The following RBFOX1 variants were observed in gnomAD, a reference collection of about 807,000 sequenced individuals.
The protein encoded by RBFOX1 is RNA binding fox-1 homolog 1.
A neutral mutation model predicts 57.7 loss-of-function variants in RBFOX1; 8 were observed. That is an observed-to-expected ratio of 0.14 (90% CI 0.08 to 0.25). RBFOX1 has a LOEUF of 0.25. RBFOX1 is among the 10% of genes least tolerant of loss of function. RBFOX1 has a pLI of 1.00. For missense variants in RBFOX1, 611 were observed against 548.5 expected (o/e 1.11, Z -1.14); for synonymous variants, 326 against 222.4 (o/e 1.47, Z -4.15).
At chr16:5,543,627 A>G (rs757573528) in intron 2 of RBFOX1, among the ~76,000 whole-genome samples, 1 of 152,218 alleles carries the variant, frequency 6.6e-6, no homozygotes, top group Non-Finnish European at 1.5e-5. Context: ...ATATTTACAG[A>G]TAGTGGCTTA....
At chr16:6,715,391 C>T (rs530380399) in intron 3 of RBFOX1, among the ~76,000 whole-genome samples, 15 of 152,022 alleles carry the variant, frequency 9.9e-5, no homozygotes, top group Non-Finnish European at 5.9e-5. Context: ...CTTTATCTTG[C>T]TGCATTATAA....
intron 4 of RBFOX1, among the ~76,000 whole-genome samples, chr16:7,270,052 G>A (rs1264077257): frequency 6.6e-6 from 1 of 152,150 alleles, no homozygotes; most frequent in Admixed American, 6.5e-5. Context: ...AACACAATGT[G>A]AAATACTGTG....
intron 3 of RBFOX1, among the ~76,000 whole-genome samples, chr16:5,609,163 G>A (rs529352641): frequency 2.1e-4 from 32 of 152,276 alleles, no homozygotes; most frequent in Admixed American, 1.6e-3. Context: ...GCTGTGTATC[G>A]AAATGGGCCG....
Position 6,593,905 on chromosome 16 carries a change from G to T in RBFOX1, c.-63-60698G>T, listed in dbSNP as rs184446164. On this transcript the variant is annotated intron_variant, in intron 2 of 15. Transcript: ENST00000550418. The stretch of plus-strand genomic sequence containing the variant: ...TAAAGTGCTTGTCTCTCATTGCCTA[G>T]CGATTTACTGGCATTGTAGACTCCA... Among the ~76,000 whole-genome samples, 20 of 152,296 alleles carry T rather than the reference G, an allele frequency of 1.3e-4. No individual in the cohort carries two copies. The East Asian group carries it at 3.9e-3, about 29-fold the overall frequency.
intron 4 of RBFOX1, among the ~76,000 whole-genome samples, chr16:7,296,006 G>T (rs1445009388): frequency 6.6e-6 from 1 of 151,960 alleles, no homozygotes; most frequent in East Asian, 1.9e-4. Flanking sequence ...ACTATTAATT[G>T]TTTTTTAGTC....
chr16:5,691,333 G>C (rs1274894052), intron 3 of RBFOX1, among the ~76,000 whole-genome samples: 4 of 152,200 alleles, frequency 2.6e-5, no homozygotes, highest in Non-Finnish European at 5.9e-5. Context: ...GTCTCTGCCT[G>C]ATCTGTGCTG....
chr16:5,666,735 A>C (rs1168930993), intron 3 of RBFOX1, among the ~76,000 whole-genome samples: 1 of 152,154 alleles, frequency 6.6e-6, no homozygotes, highest in Non-Finnish European at 1.5e-5. Context: ...CTAGGTAGGG[A>C]ATGGATCTCT....
intron 3 of RBFOX1, among the ~76,000 whole-genome samples, chr16:6,658,485 G>C (rs1239653217): frequency 6.6e-6 from 1 of 152,040 alleles, no homozygotes; most frequent in African/African-American, 2.4e-5. Context: ...GGGATTACAG[G>C]CATGAGCCAC....
chr16:5,621,661 A>C lies in RBFOX1; in HGVS notation c.318+22700A>C, dbSNP rs77063747. On this transcript the variant is annotated intron_variant, in intron 3 of 19. Transcript: ENST00000641259. ...CCCTATCAACTCACTGTGTCATGGAATGATTTAGGAAGACGAGGATATGGA... is the reference window on the plus strand; with the variant it reads ...CCCTATCAACTCACTGTGTCATGGACTGATTTAGGAAGACGAGGATATGGA... 8.3e-3 allele frequency among the ~76,000 whole-genome samples: 1,260 copies of C among 152,310 alleles called. 37 individuals are homozygous for C. The East Asian group carries it at 0.12, about 15-fold the overall frequency.
At chr16:7,147,772 G>A (rs1174945277) in intron 4 of RBFOX1, among the ~76,000 whole-genome samples, 1 of 152,158 alleles carries the variant, frequency 6.6e-6, no homozygotes. Context: ...TAGAGCTGCA[G>A]TGAACATGTG....
intron 4 of RBFOX1, among the ~76,000 whole-genome samples, chr16:7,165,767 T>G (rs1211973644): frequency 1.3e-5 from 2 of 152,054 alleles, no homozygotes; most frequent in Non-Finnish European, 2.9e-5. Flanking sequence ...TGTTCTCCAA[T>G]TCTTAGACCT....
intron 3 of RBFOX1, among the ~76,000 whole-genome samples, chr16:5,732,772 G>A (rs2052427416): frequency 6.6e-6 from 1 of 152,112 alleles, no homozygotes; most frequent in Non-Finnish European, 1.5e-5. Context: ...CCTAGGGGAG[G>A]ACAGTGGAGA....
At chr16:7,083,364 A>G (rs1177538403) in intron 4 of RBFOX1, among the ~76,000 whole-genome samples, 1 of 152,062 alleles carries the variant, frequency 6.6e-6, no homozygotes, top group Non-Finnish European at 1.5e-5. Context: ...CACATGTTCA[A>G]GCAGGTGGGA....
intron 4 of RBFOX1, among the ~76,000 whole-genome samples, chr16:7,175,250 C>A (rs948970446): frequency 5.3e-5 from 8 of 151,810 alleles, no homozygotes. Context: ...CTCCCTGTGC[C>A]CATGTATTTT....
At chr16:6,646,368 A>C (rs941161816) in intron 2 of RBFOX1, among the ~76,000 whole-genome samples, 3 of 152,200 alleles carry the variant, frequency 2.0e-5, no homozygotes, top group Non-Finnish European at 4.4e-5. Context: ...TAAATAAAAA[A>C]TCCAGCATGG....
rs141284873 is a variant in RBFOX1 at position 5,848,646 on chromosome 16, C to G, written c.319-18657C>G. On this transcript the variant is annotated intron_variant, in intron 3 of 19. Coordinates refer to the RBFOX1 transcript ENST00000641259. ...TACAGCAGGTGATGTCAGTTAAAAA[C>G]AAGAGCATAAACAGCTTATTAAATA... Among the ~76,000 whole-genome samples the G allele has an allele frequency of 6.9e-3, 1,058 of 152,234 alleles. 4 individuals are homozygous for G. The highest frequency in any genetic ancestry group is 0.018 in the Admixed American group (274 of 15,298).
chr16:7,348,537 A>G (rs968258320), intron 4 of RBFOX1, among the ~76,000 whole-genome samples: 14 of 152,174 alleles, frequency 9.2e-5, no homozygotes, highest in African/African-American at 2.9e-4. Context: ...AAGGTCGTAT[A>G]TGATATCCTA....
intron 3 of RBFOX1, among the ~76,000 whole-genome samples, chr16:6,803,525 A>G (rs1008655422): frequency 6.6e-6 from 1 of 152,194 alleles, no homozygotes; most frequent in Non-Finnish European, 1.5e-5. Flanking sequence ...AGATTTCCAG[A>G]TTTCCTAAAT....
At chr16:6,402,015 C>A (rs987806378) in intron 2 of RBFOX1, among the ~76,000 whole-genome samples, 2 of 151,650 alleles carry the variant, frequency 1.3e-5, no homozygotes, top group Non-Finnish European at 2.9e-5. Context: ...TTCCTCTGGC[C>A]CCAACCGTGA....
Sources: allele counts gnomAD v4.1 joint callset (sites outside exome capture counted in the v4.1 genomes callset), GRCh38; gene constraint gnomAD v4.1.1; transcripts MANE v1.5; gene names NCBI Gene and HGNC (gene_info 2026-07-23, HGNC 2026-07-21).